Variants in ANKRD61 observed in about 807,000 individuals in gnomAD.
The protein encoded by ANKRD61 is ankyrin repeat domain 61.
In ANKRD61, 7 loss-of-function variants were observed where a neutral mutation model predicts 8.4. That is an observed-to-expected ratio of 0.84 (90% CI 0.48 to 1.57). The LOEUF (loss-of-function observed/expected upper bound fraction) is 1.57. ANKRD61 is among the 40% of genes most tolerant of loss of function. The pLI is 0.00. For missense variants in ANKRD61, 516 were observed against 523.4 expected (o/e 0.99, Z 0.14); for synonymous variants, 198 against 208.0 (o/e 0.95, Z 0.41).
In ANKRD61 at chr7:6,035,536, G is replaced by A. The variant is rs774965410; in HGVS notation, c.407G>A (p.Arg136Lys). The change falls in exon 3 of 3, where the codon AGG becomes AAG. Residue 136 changes from arginine (R) to lysine (K), a missense_variant. Coordinates refer to ENST00000409061, the MANE Select transcript of ANKRD61 (RefSeq NM_001271700.2). This position sits in a 1 kb window ranked among gnomAD's most constrained non-coding sequence, Gnocchi z 5.5. The part of the protein sequence containing the change: ...TWAKPGNRTH[R>K]ILTDIQNSSI... ...GCAAAACCAGGCAACAGAACGCACA[G>A]GATCCTGACAGACATTCAGAATAGC... 1 of 1,551,212 alleles carries A rather than the reference G, an allele frequency of 6.4e-7. No individual in the cohort carries two copies. Among genetic ancestry groups the A allele is most frequent in the South Asian group, 1.2e-5 (1 of 84,052 alleles).
At position 6,036,178 on chromosome 7, in the gene ANKRD61, T is replaced by C. The variant is rs1788083969; in HGVS notation, c.1049T>C (p.Leu350Pro). ...PLRMTNNQGI[L>P]PAGIMLPEFR... ...AGAATGACCAATAACCAAGGAATTC[T>C]ACCTGCAGGAATCATGCTACCAGAA... Residue 350 changes from leucine (L) to proline (P), a missense_variant, in exon 3 of 3, where the codon CTA becomes CCA. Coordinates refer to ENST00000409061, the MANE Select transcript of ANKRD61 (RefSeq NM_001271700.2). This position sits in a 1 kb window ranked among gnomAD's most constrained non-coding sequence, Gnocchi z 4.6. 2.6e-6 allele frequency: 4 copies of C among 1,549,848 alleles called. No individual in the cohort carries two copies. The highest frequency in any genetic ancestry group is 3.5e-6 in the Non-Finnish European group (4 of 1,146,552).
chr7:6,034,011 G>A (rs1450755517), intron 2 of ANKRD61, among the ~76,000 whole-genome samples: 5 of 151,352 alleles, frequency 3.3e-5, no homozygotes, highest in Non-Finnish European at 5.9e-5. Context: ...TACTATCCGA[G>A]TGAATGAAAG....
chr7:6,031,647 A>G (rs1354639484), intron 1 of ANKRD61, 56 bp downstream of exon 1: 37 of 1,507,648 alleles, frequency 2.5e-5, no homozygotes, highest in Non-Finnish European at 3.2e-5. Flanking sequence ...CTTAGAAAGA[A>G]GCATGATCTA....
intron 1 of ANKRD61, 137 bp downstream of exon 1, chr7:6,031,728 C>T (rs2128886251): frequency 8.3e-6 from 7 of 839,144 alleles, no homozygotes; most frequent in South Asian, 1.7e-5. Flanking sequence ...TCCACACACA[C>T]TGCAGTGCTC....
At chr7:6,031,724 C>A in intron 1 of ANKRD61, 133 bp downstream of exon 1, 1 of 868,738 alleles carries the variant, frequency 1.2e-6, no homozygotes, top group South Asian at 1.7e-5. Flanking sequence ...TCACTCCACA[C>A]ACACTGCAGT....
At position 6,036,325 on chromosome 7, in the gene ANKRD61, T is replaced by C. The variant is rs1204034720; in HGVS notation, c.1196T>C (p.Phe399Ser). The change falls in exon 3 of 3, where the codon TTC (phenylalanine) becomes TCC (serine). Residue 399 changes from phenylalanine to serine, a missense_variant. Coordinates refer to ENST00000409061, the MANE Select transcript of ANKRD61 (RefSeq NM_001271700.2). This position sits in a 1 kb window ranked among gnomAD's most constrained non-coding sequence, Gnocchi z 4.6. ...AAATACAAACAGCACTTGAAGCAAT[T>C]CCTCCCAGTGACAATATGGAATTCT... ...GEKYKQHLKQFLPVTIWNSVY... is the reference protein window; with the variant it reads ...GEKYKQHLKQSLPVTIWNSVY... 2 of 1,541,792 alleles carry C rather than the reference T, an allele frequency of 1.3e-6. No individual in the cohort carries two copies. The highest frequency in any genetic ancestry group is 1.4e-5 in the African/African-American group (1 of 72,656).
Position 6,032,879 on chromosome 7 carries a change from A to C in ANKRD61, c.257A>C (p.Tyr86Ser). 6.4e-7 allele frequency: 1 copy of C among 1,551,088 alleles called. No individual in the cohort carries two copies. The highest frequency in any genetic ancestry group is 8.7e-7 in the Non-Finnish European group (1 of 1,147,048). The change falls in exon 2 of 3, where the codon TAC (tyrosine) becomes TCC (serine). Residue 86 changes from tyrosine (Y) to serine (S), a missense_variant. Physicochemically the swap from Tyr to Ser is moderately radical, Grantham distance 144. Transcript: ENST00000409061. This position sits in a 1 kb window ranked among gnomAD's most constrained non-coding sequence, Gnocchi z 4.3. ...ATCCCCATCCATCTGGCTGCCAAGT[A>C]CCACAAGGCCCAGAGTCTGCTCTGC... ...SIIPIHLAAK[Y>S]HKAQSLLCLL...
At chr7:6,031,694 G>C in intron 1 of ANKRD61, 103 bp downstream of exon 1, 1 of 1,125,324 alleles carries the variant, frequency 8.9e-7, no homozygotes, top group East Asian at 2.7e-5. Context: ...GCCCTTATGA[G>C]AATGAGACAC....
In ANKRD61 at chr7:6,035,518, C is replaced by A. The variant is rs1275484531; in HGVS notation, c.389C>A (p.Pro130Gln). The change falls in exon 3 of 3, where the codon CCA (proline) becomes CAA (glutamine). Residue 130 changes from proline (P) to glutamine (Q), a missense_variant. By Grantham distance (76) the Pro-to-Gln change is moderately conservative. Coordinates refer to ENST00000409061, the MANE Select transcript of ANKRD61 (RefSeq NM_001271700.2). This position sits in a 1 kb window ranked among gnomAD's most constrained non-coding sequence, Gnocchi z 5.5. ...WPVTSTTWAKPGNRTHRILTD... is the reference protein window; with the variant it reads ...WPVTSTTWAKQGNRTHRILTD... Reference sequence around the variant, plus strand: ...GTCACTTCCACCACGTGGGCAAAACCAGGCAACAGAACGCACAGGATCCTG... The same window carrying A: ...GTCACTTCCACCACGTGGGCAAAACAAGGCAACAGAACGCACAGGATCCTG... The A allele has an allele frequency of 3.2e-6, 5 of 1,551,204 alleles. No individual in the cohort carries two copies. The highest frequency in any genetic ancestry group is 4.4e-6 in the Non-Finnish European group (5 of 1,147,130).
At position 6,036,330 on chromosome 7, in the gene ANKRD61, C is replaced by T; in HGVS notation, c.1201C>T (p.Pro401Ser). The change falls in exon 3 of 3, where the codon CCA (proline) becomes TCA (serine). Residue 401 changes from proline to serine, a missense_variant. Pro to Ser is a moderately conservative substitution (Grantham distance 74). Coordinates refer to ENST00000409061, the MANE Select transcript of ANKRD61 (RefSeq NM_001271700.2). The surrounding 1 kb of genome is among the most constrained non-coding windows in gnomAD (Gnocchi z 4.6). ...KYKQHLKQFL[P>S]VTIWNSVYCC... ...CAAACAGCACTTGAAGCAATTCCTC[C>T]CAGTGACAATATGGAATTCTGTCTA... 2.6e-6 allele frequency: 4 copies of T among 1,539,172 alleles called. No homozygotes were observed. Among genetic ancestry groups the T allele is most frequent in the Non-Finnish European group, 3.5e-6 (4 of 1,143,132 alleles).
chr7:6,035,372 A>T lies in ANKRD61; in HGVS notation c.315-72A>T. ...TACTTTAAATAAATACTGGCTTCTT[A>T]AGCATTAACTGTCCACGTAGAGCCG... is the stretch of plus-strand genomic sequence containing the variant. On this transcript the variant is annotated intron_variant, in intron 2 of 2. Transcript: ENST00000409061. The surrounding 1 kb of genome is among the most constrained non-coding windows in gnomAD (Gnocchi z 5.5). 7.5e-7 allele frequency: 1 copy of T among 1,342,224 alleles called. No individual in the cohort carries two copies. The highest frequency in any genetic ancestry group is 1.0e-6 in the Non-Finnish European group (1 of 984,402). 83.1% of individuals were successfully genotyped at this position (1,342,224 alleles called of 1,614,324 possible).
rs2128886662 is a variant in ANKRD61, at chr7:6,033,024, A to G, written c.314+88A>G. The G allele has an allele frequency of 8.6e-7, 1 of 1,168,390 alleles. No individual in the cohort carries two copies. The highest frequency in any genetic ancestry group is 2.7e-5 in the East Asian group (1 of 36,874). The allele number at this position is 1,168,390 out of a possible 1,614,324, so 72.4% of individuals were successfully genotyped here. On this transcript the variant is annotated intron_variant, in intron 2 of 2. Transcript: ENST00000409061. This position sits in a 1 kb window ranked among gnomAD's most constrained non-coding sequence, Gnocchi z 4.4. ...CGCTCTGTTGCCCAGGCTGGAGTGC[A>G]ATGGCACAATCTCGCCTCACTGCAA...
chr7:6,035,981 G>A lies in ANKRD61; in HGVS notation c.852G>A (p.Glu284=), dbSNP rs550856299. Reference sequence around the variant, plus strand: ...ACAAGGGCCAAACAGCCATCCATGAGGCATGCTTTGGAGGCAGAGAGGCAA... The same window carrying A: ...ACAAGGGCCAAACAGCCATCCATGAAGCATGCTTTGGAGGCAGAGAGGCAA... The part of the protein sequence containing the change: ...QDYKGQTAIH[E]ACFGGREAII... Residue 284 remains glutamate (E), a synonymous_variant, in exon 3 of 3, where the codon GAG becomes GAA. Coordinates refer to ENST00000409061, the MANE Select transcript of ANKRD61 (RefSeq NM_001271700.2). The surrounding 1 kb of genome is among the most constrained non-coding windows in gnomAD (Gnocchi z 5.5). 9.7e-6 allele frequency: 15 copies of A among 1,550,632 alleles called. No individual in the cohort carries two copies. In the East Asian group the frequency reaches 3.4e-4, roughly 35 times the overall value.
At position 6,035,895 on chromosome 7, in the gene ANKRD61, G is replaced by T. The variant is rs774331912; in HGVS notation, c.766G>T (p.Ala256Ser). 2.3e-5 allele frequency: 35 copies of T among 1,546,726 alleles called. No individual in the cohort carries two copies. In the South Asian group the frequency reaches 4.1e-4, roughly 18 times the overall value. The change falls in exon 3 of 3, where the codon GCG becomes TCG. Residue 256 changes from alanine to serine, a missense_variant. Physicochemically the swap from Ala to Ser is moderately conservative, Grantham distance 99. Transcript: ENST00000409061. This position sits in a 1 kb window ranked among gnomAD's most constrained non-coding sequence, Gnocchi z 5.5. The stretch of plus-strand genomic sequence containing the variant: ...AAGCAAAGCAGGCCGACTCCTCGGG[G>T]CGGGGGTCAGCTGCATCCGTCTGCT... ...ASSKAGRLLG[A>S]GVSCIRLLLT...
Position 6,036,112 on chromosome 7 carries a change from C to G in ANKRD61, c.983C>G (p.Thr328Arg), listed in dbSNP as rs56841160. 9.0e-6 allele frequency: 14 copies of G among 1,550,728 alleles called. No individual in the cohort carries two copies. The South Asian group carries it at 1.2e-4, about 13-fold the overall frequency. ...CAGCGCAGTTGCAATGTAAGAGATA[C>G]GGCACTTCTGGCCAGGCTACTTTAT... is the stretch of plus-strand genomic sequence containing the variant. ...YLQRSCNVRD[T>R]ALLARLLYHT... The change falls in exon 3 of 3, where the codon ACG (threonine) becomes AGG (arginine). Residue 328 changes from threonine to arginine, a missense_variant. Coordinates refer to ENST00000409061, the MANE Select transcript of ANKRD61 (RefSeq NM_001271700.2). This position sits in a 1 kb window ranked among gnomAD's most constrained non-coding sequence, Gnocchi z 4.6.
chr7:6,031,621 G>C, intron 1 of ANKRD61, 30 bp downstream of exon 1: 1 of 1,537,068 alleles, frequency 6.5e-7, no homozygotes, highest in Non-Finnish European at 8.8e-7. Context: ...GTCACTTCTG[G>C]AAAAAAGTCA....
chr7:6,035,464 C>G lies in ANKRD61; in HGVS notation c.335C>G (p.Thr112Arg), dbSNP rs1363421437. 21 of 1,550,540 alleles carry G rather than the reference C, an allele frequency of 1.4e-5. No homozygotes were observed. Among genetic ancestry groups the G allele is most frequent in the Non-Finnish European group, 1.8e-5 (21 of 1,146,886 alleles). Reference sequence around the variant, plus strand: ...TCTAGGGACACGACAGGCCTCACCACACTCAACTTAATGCTACTGCACTGG... The same window carrying G: ...TCTAGGGACACGACAGGCCTCACCAGACTCAACTTAATGCTACTGCACTGG... ...PEVRDTTGLTTLNLMLLHWPV... is the reference protein window; with the variant it reads ...PEVRDTTGLTRLNLMLLHWPV... The change falls in exon 3 of 3, where the codon ACA (threonine) becomes AGA (arginine). Residue 112 changes from threonine to arginine, a missense_variant. By Grantham distance (71) the Thr-to-Arg change is moderately conservative (BLOSUM62 -1). Coordinates refer to ENST00000409061, the MANE Select transcript of ANKRD61 (RefSeq NM_001271700.2). This position sits in a 1 kb window ranked among gnomAD's most constrained non-coding sequence, Gnocchi z 5.5.
At position 6,032,872 on chromosome 7, in the gene ANKRD61, G is replaced by A. The variant is rs561724217; in HGVS notation, c.250G>A (p.Ala84Thr). The change falls in exon 2 of 3, where the codon GCC becomes ACC. Residue 84 changes from alanine to threonine, a missense_variant. Ala to Thr is a moderately conservative substitution (Grantham distance 58). Coordinates refer to ENST00000409061, the MANE Select transcript of ANKRD61 (RefSeq NM_001271700.2). This position sits in a 1 kb window ranked among gnomAD's most constrained non-coding sequence, Gnocchi z 4.3. ...TESIIPIHLAAKYHKAQSLLC... is the reference protein window; with the variant it reads ...TESIIPIHLATKYHKAQSLLC... ...GTCTATCATCCCCATCCATCTGGCT[G>A]CCAAGTACCACAAGGCCCAGAGTCT... 6.4e-7 allele frequency: 1 copy of A among 1,551,016 alleles called. No individual in the cohort carries two copies. The highest frequency in any genetic ancestry group is 8.7e-7 in the Non-Finnish European group (1 of 1,147,010).
chr7:6,034,747 G>A (rs943832885), intron 2 of ANKRD61, among the ~76,000 whole-genome samples: 1 of 152,084 alleles, frequency 6.6e-6, no homozygotes, highest in African/African-American at 2.4e-5. Flanking sequence ...CCTTCCTTTT[G>A]CTCTGCCAAA....
Sources: allele counts gnomAD v4.1 joint callset (sites outside exome capture counted in the v4.1 genomes callset), GRCh38; gene constraint gnomAD v4.1.1; non-coding constraint Gnocchi (gnomAD v3.1); transcripts MANE v1.5; gene names NCBI Gene and HGNC (gene_info 2026-07-23, HGNC 2026-07-21).